Variants in PDE4D observed in about 807,000 individuals in gnomAD.
The protein encoded by PDE4D is 3',5'-cyclic-AMP phosphodiesterase 4D.
PDE4D carries 24 observed loss-of-function variants against 87.4 expected under a neutral mutation model. The ratio of observed to expected loss-of-function variants is 0.27; its 90% CI spans 0.20 to 0.39. The LOEUF is 0.39. Ranked by LOEUF, PDE4D falls within the 10% of genes least tolerant of loss-of-function variation. The pLI, the probability that PDE4D is intolerant of heterozygous loss-of-function variation, is 1.00. For synonymous variants in PDE4D, 384 were observed against 383.2 expected, an observed-to-expected ratio of 1.00 and a Z score of -0.02; for missense variants, 714 against 1,041.0, an observed-to-expected ratio of 0.69 and a Z score of 4.32.
chr5:59,325,297 T>G (rs940494634), intron 1 of PDE4D, among the ~76,000 whole-genome samples: 11 of 152,184 alleles, frequency 7.2e-5, no homozygotes, highest in African/African-American at 2.7e-4. Context: ...GTCAAGGTGA[T>G]AGCTGAACCC....
At chr5:59,728,482 G>A (rs1756918990) in intron 1 of PDE4D, among the ~76,000 whole-genome samples, 1 of 152,056 alleles carries the variant, frequency 6.6e-6, no homozygotes, top group African/African-American at 2.4e-5. Context: ...CAAATGCTCA[G>A]TAATAAGCAG....
At chr5:59,300,015 G>A (rs1273556358) in intron 1 of PDE4D, among the ~76,000 whole-genome samples, 1 of 151,060 alleles carries the variant, frequency 6.6e-6, no homozygotes, top group African/African-American at 2.4e-5. Flanking sequence ...GGGAGGCTGA[G>A]GCAGGAGAAT....
chr5:60,092,225 A>G (rs1775216714), intron 2 of PDE4D, among the ~76,000 whole-genome samples: 1 of 152,154 alleles, frequency 6.6e-6, no homozygotes, highest in Non-Finnish European at 1.5e-5. Flanking sequence ...TCTTACTCAT[A>G]TAAGGAAGCT....
chr5:59,805,487 T>G (rs1373815539), intron 1 of PDE4D, among the ~76,000 whole-genome samples: 3 of 152,250 alleles, frequency 2.0e-5, no homozygotes, highest in African/African-American at 7.2e-5. Flanking sequence ...CTTTTACACT[T>G]ACAATTTGTG....
At chr5:60,063,149 A>AGAAG (rs1491520107) in intron 2 of PDE4D, among the ~76,000 whole-genome samples, 3,979 of 125,438 alleles carry the variant, frequency 0.032, 67 homozygotes, top group East Asian at 0.099. Context: ...AAAGAAAGAA[A>AGAAG]GAAAGAAGGA....
chr5:59,148,118 T>C (rs77019179), intron 5 of PDE4D, among the ~76,000 whole-genome samples: 3,643 of 152,244 alleles, frequency 0.024, 145 homozygotes, highest in African/African-American at 0.083. Context: ...CATAGTTATG[T>C]CACTAATGAA....
chr5:59,685,890 C>T (rs531686840), intron 1 of PDE4D, among the ~76,000 whole-genome samples: 15 of 152,172 alleles, frequency 9.9e-5, no homozygotes, highest in Admixed American at 9.2e-4. Context: ...GGAAAAGTTC[C>T]AGCAGCAAGA....
Position 59,096,413 on chromosome 5 carries a change from T to C in PDE4D, c.809-57442A>G, listed in dbSNP as rs1011478657. 1.1e-4 allele frequency among the ~76,000 whole-genome samples: 17 copies of C among 152,310 alleles called. No homozygotes were observed. The East Asian group carries it at 1.2e-3, about 10-fold the overall frequency. Reference sequence around the variant, plus strand: ...ACTTTTAGTGGGCAATTGGTTGTTATGAAGGTCCAGCATTTATTTCTTCTT... The same window carrying C: ...ACTTTTAGTGGGCAATTGGTTGTTACGAAGGTCCAGCATTTATTTCTTCTT... On this transcript the variant is annotated intron_variant, in intron 5 of 14. Transcript: ENST00000340635.
intron 1 of PDE4D, among the ~76,000 whole-genome samples, chr5:60,351,517 A>G (rs1392032745): frequency 6.6e-6 from 1 of 152,104 alleles, no homozygotes; most frequent in African/African-American, 2.4e-5. Flanking sequence ...GCTATCTTGG[A>G]TCATGAGTTG....
intron 11 of PDE4D, 95 bp downstream of exon 11, chr5:58,988,398 T>C: frequency 2.2e-6 from 1 of 459,058 alleles, no homozygotes. Flanking sequence ...CAAAAGAACA[T>C]TATGGCTCTG....
chr5:59,422,902 A>T (rs1347944385), intron 1 of PDE4D, among the ~76,000 whole-genome samples: 1 of 152,216 alleles, frequency 6.6e-6, no homozygotes, highest in Non-Finnish European at 1.5e-5. Context: ...TTTAAATCTC[A>T]GTTGGAAAAT....
intron 1 of PDE4D, among the ~76,000 whole-genome samples, chr5:59,771,466 A>AAAGAGAGAG (rs1561637054): frequency 1.2e-4 from 9 of 76,534 alleles, no homozygotes; most frequent in African/African-American, 5.3e-4. Context: ...AGAAAGAAAG[A>AAAGAGAGAG]AAGAAAGAAA....
At chr5:59,626,349 A>G (rs1044411296) in intron 1 of PDE4D, among the ~76,000 whole-genome samples, 2 of 152,252 alleles carry the variant, frequency 1.3e-5, no homozygotes, top group Non-Finnish European at 1.5e-5. Flanking sequence ...CAAGTTGTTC[A>G]CTGAAAATAT....
At chr5:59,048,297 T>C (rs1761023002) in intron 5 of PDE4D, among the ~76,000 whole-genome samples, 1 of 152,246 alleles carries the variant, frequency 6.6e-6, no homozygotes, top group Admixed American at 6.5e-5. Flanking sequence ...ATCAATTTTA[T>C]TTCCCTGGGG....
At chr5:59,543,254 T>G (rs938572967) in intron 1 of PDE4D, among the ~76,000 whole-genome samples, 1 of 152,184 alleles carries the variant, frequency 6.6e-6, no homozygotes, top group Admixed American at 6.6e-5. Context: ...TAGATTACAC[T>G]ATCTGAATTT....
At chr5:60,006,571 A>G (rs1311960233) in intron 2 of PDE4D, among the ~76,000 whole-genome samples, 1 of 151,946 alleles carries the variant, frequency 6.6e-6, no homozygotes, top group Non-Finnish European at 1.5e-5. Context: ...TAATTAAAAC[A>G]AATTCATAAA....
At chr5:60,282,642 T>C (rs558047595) in intron 1 of PDE4D, among the ~76,000 whole-genome samples, 1 of 152,326 alleles carries the variant, frequency 6.6e-6, no homozygotes, top group South Asian at 2.1e-4. Context: ...AGCTGGATAA[T>C]CCAGGATTAT....
At chr5:59,661,433 T>G (rs1188310205) in intron 1 of PDE4D, among the ~76,000 whole-genome samples, 1 of 152,184 alleles carries the variant, frequency 6.6e-6, no homozygotes, top group Non-Finnish European at 1.5e-5. Flanking sequence ...CAGCAGCATG[T>G]TGACATGTCC....
chr5:60,231,427 G>C (rs575053420), intron 1 of PDE4D, among the ~76,000 whole-genome samples: 34 of 151,870 alleles, frequency 2.2e-4, no homozygotes, highest in African/African-American at 8.0e-4. Context: ...AAGTCTACTT[G>C]AATGAAGCCA....
Sources: gnomAD v4.1 joint callset for allele counts (sites outside exome capture counted in the v4.1 genomes callset) on GRCh38, gnomAD v4.1.1 for gene constraint, MANE v1.5 for transcripts, NCBI Gene and HGNC (gene_info 2026-07-23, HGNC 2026-07-21) for gene names.